Variants in VPS13B observed in about 807,000 individuals in gnomAD.
The protein encoded by VPS13B is vacuolar protein sorting 13 homolog B.
Under a neutral mutation model 426.4 loss-of-function variants are expected in VPS13B, and 285 were observed. The observed-to-expected ratio is 0.67, with a 90% confidence interval of 0.61 to 0.74. The LOEUF is 0.74. Ranked by LOEUF, VPS13B falls within the 30% of genes least tolerant of loss-of-function variation. The pLI is 0.00. For synonymous variants in VPS13B, 1,676 were observed against 1,676.4 expected (o/e 1.00, Z 0.01); for missense variants, 4,537 against 4,782.6 (o/e 0.95, Z 1.51).
At chr8:99,758,096 G>T (rs1375970441) in intron 39 of VPS13B, among the ~76,000 whole-genome samples, 7 of 152,118 alleles carry the variant, frequency 4.6e-5, no homozygotes, top group African/African-American at 1.7e-4. Flanking sequence ...TATAGATATT[G>T]TAACTAAAGA....
chr8:99,819,564 A>G lies in VPS13B; in HGVS notation c.8774A>G (p.Asn2925Ser), dbSNP rs776893819. 1 of 1,613,680 alleles carries G rather than the reference A, an allele frequency of 6.2e-7. No homozygotes were observed. Among genetic ancestry groups the G allele is most frequent in the Non-Finnish European group, 8.5e-7 (1 of 1,179,826 alleles). ...TCGCTTCAACCCATATGGCCCTATA[A>G]TAAGAAGGATTCTGACAGGTAATAT... ...EKSLQPIWPY[N>S]KKDSDRNEQL... The change falls in exon 48 of 62, where the codon AAT becomes AGT. Residue 2925 changes from asparagine to serine, a missense_variant. Asn to Ser is a conservative substitution (Grantham distance 46). Transcript: ENST00000357162.
At chr8:99,463,950 C>T (rs1373705965) in intron 23 of VPS13B, among the ~76,000 whole-genome samples, 1 of 152,172 alleles carries the variant, frequency 6.6e-6, no homozygotes, top group African/African-American at 2.4e-5. Context: ...CCACTTCGGC[C>T]TCCCAAAGTG....
intron 56 of VPS13B, among the ~76,000 whole-genome samples, chr8:99,855,223 G>A (rs1458338281): frequency 6.6e-6 from 1 of 152,012 alleles, no homozygotes; most frequent in East Asian, 1.9e-4. Context: ...AAAAATTAAA[G>A]TTTAAAAAAT....
chr8:99,180,002 T>C (rs1253721710), intron 16 of VPS13B, among the ~76,000 whole-genome samples: 3 of 152,184 alleles, frequency 2.0e-5, no homozygotes, highest in Non-Finnish European at 2.9e-5. Flanking sequence ...CTTTTCCTAT[T>C]CAGAGTTCTC....
chr8:99,741,356 T>C (rs944578311), intron 39 of VPS13B, among the ~76,000 whole-genome samples: 3 of 152,044 alleles, frequency 2.0e-5, no homozygotes, highest in Non-Finnish European at 2.9e-5. Context: ...GAGACTTAGA[T>C]TCCCACACAA....
chr8:99,227,932 C>T (rs189853155), intron 17 of VPS13B, among the ~76,000 whole-genome samples: 1 of 152,180 alleles, frequency 6.6e-6, no homozygotes, highest in Non-Finnish European at 1.5e-5. Flanking sequence ...ACTCTGGGGG[C>T]TTATTTTTAT....
At chr8:99,868,643 A>G (rs375597669) in intron 59 of VPS13B, among the ~76,000 whole-genome samples, 178 bp downstream of exon 59, 1 of 152,232 alleles carries the variant, frequency 6.6e-6, no homozygotes, top group African/African-American at 2.4e-5. Context: ...CCATAGAATC[A>G]GGAAACCAGT....
chr8:99,791,418 G>A (rs1200946194), intron 43 of VPS13B, among the ~76,000 whole-genome samples: 1 of 152,092 alleles, frequency 6.6e-6, no homozygotes, highest in Non-Finnish European at 1.5e-5. Context: ...TCAAGAGCCT[G>A]GGAATCCATT....
intron 54 of VPS13B, among the ~76,000 whole-genome samples, chr8:99,841,181 A>G (rs1815663731): frequency 1.3e-5 from 2 of 152,184 alleles, no homozygotes; most frequent in African/African-American, 2.4e-5. Flanking sequence ...TCCTACCTTG[A>G]TCAACTTAGA....
intron 39 of VPS13B, among the ~76,000 whole-genome samples, chr8:99,743,093 A>G (rs573354504): frequency 1.4e-4 from 21 of 152,324 alleles, no homozygotes; most frequent in African/African-American, 4.8e-4. Flanking sequence ...TCTCAGCCCA[A>G]AATCTCCTTA....
At chr8:99,155,647 C>T (rs775259134) in intron 14 of VPS13B, among the ~76,000 whole-genome samples, 49 of 152,090 alleles carry the variant, frequency 3.2e-4, no homozygotes, top group Non-Finnish European at 5.9e-4. Context: ...ATTGTATTTT[C>T]GACTTAGTTT....
intron 39 of VPS13B, among the ~76,000 whole-genome samples, chr8:99,737,159 C>T (rs1321157532): frequency 1.9e-5 from 2 of 104,158 alleles, no homozygotes; most frequent in Non-Finnish European, 3.4e-5. Flanking sequence ...CTCGCTCTGT[C>T]GCCCAGGCTG....
At chr8:99,502,253 G>A (rs945268728) in intron 26 of VPS13B, among the ~76,000 whole-genome samples, 10 of 152,064 alleles carry the variant, frequency 6.6e-5, no homozygotes, top group Non-Finnish European at 5.9e-5. Flanking sequence ...CAAAGTGTTG[G>A]GATTACAGGC....
chr8:99,511,526 A>G lies in VPS13B; in HGVS notation c.4633+14A>G, dbSNP rs763556763. 18 of 1,604,920 alleles carry G rather than the reference A, an allele frequency of 1.1e-5. No homozygotes were observed. Among genetic ancestry groups the G allele is most frequent in the Non-Finnish European group, 1.4e-5 (17 of 1,177,460 alleles). On this transcript the variant is annotated intron_variant, in intron 29 of 61. Transcript: ENST00000357162. ...CAACTGTTGAAGGTATTGTCTTCTG[A>G]TTTTTTTTGTCTGATTTTAAATAAT...
intron 15 of VPS13B, among the ~76,000 whole-genome samples, chr8:99,161,507 T>G (rs1811648067): frequency 1.3e-5 from 2 of 152,190 alleles, no homozygotes; most frequent in South Asian, 4.1e-4. Flanking sequence ...AACTCACATT[T>G]CCAGTGTAAT....
intron 5 of VPS13B, among the ~76,000 whole-genome samples, chr8:99,110,705 A>G (rs891543059): frequency 5.3e-5 from 8 of 151,970 alleles, no homozygotes; most frequent in African/African-American, 1.9e-4. Flanking sequence ...AATGAATGTT[A>G]AATGAATGAC....
intron 59 of VPS13B, 93 bp from the exon 60 acceptor site, chr8:99,870,692 T>A: frequency 8.4e-7 from 1 of 1,191,408 alleles, no homozygotes; most frequent in Non-Finnish European, 1.3e-6. Context: ...TCTGTAACAT[T>A]TTATGGATGG....
At chr8:99,480,356 G>A (rs1200552148) in intron 24 of VPS13B, among the ~76,000 whole-genome samples, 1 of 152,158 alleles carries the variant, frequency 6.6e-6, no homozygotes, top group Non-Finnish European at 1.5e-5. Context: ...CAGAAGTAGT[G>A]ACAATAAAAG....
intron 33 of VPS13B, among the ~76,000 whole-genome samples, chr8:99,581,177 G>T (rs1320836935): frequency 6.7e-6 from 1 of 150,252 alleles, no homozygotes; most frequent in Non-Finnish European, 1.5e-5. Flanking sequence ...GTGAGACCCT[G>T]TCTCAAAAAA....
Sources: gnomAD v4.1 joint callset for allele counts (sites outside exome capture counted in the v4.1 genomes callset) on GRCh38, gnomAD v4.1.1 for gene constraint, MANE v1.5 for transcripts, NCBI Gene and HGNC (gene_info 2026-07-23, HGNC 2026-07-21) for gene names.